The following POU5F1 variants were observed in gnomAD, a reference collection of about 807,000 sequenced individuals.
The protein encoded by POU5F1 is POU class 5 homeobox 1, also known as POU domain, class 5, transcription factor 1.
POU5F1 carries 6 observed loss-of-function variants against 38.3 expected under a neutral mutation model. The ratio of observed to expected loss-of-function variants is 0.16; its 90% confidence interval spans 0.09 to 0.31. The LOEUF (loss-of-function observed/expected upper bound fraction) is 0.31, where lower values mean the gene tolerates loss of function less well. Among genes scored for constraint, POU5F1 ranks in the 10% least tolerant of loss-of-function variants. The pLI is 1.00. For missense variants in POU5F1, 286 were observed against 462.6 expected (o/e 0.62, Z 3.50); for synonymous variants, 147 against 194.9 (o/e 0.75, Z 2.05).
At chr6:31,166,093 G>A (rs72856736) in intron 1 of POU5F1, 46 bp from the exon 2 acceptor site, 129,728 of 1,614,078 alleles carry the variant, frequency 0.08, 6,106 homozygotes, top group Admixed American at 0.15. Context: ...AAACACACCA[G>A]TTATCAATCT....
rs1307000564 is a variant in POU5F1 at position 31,165,935 on chromosome 6, A to C, written c.518T>G (p.Val173Gly). 1 of 1,613,384 alleles carries C rather than the reference A, an allele frequency of 6.2e-7. No homozygotes were observed. The highest frequency in any genetic ancestry group is 1.7e-5 in the Admixed American group (1 of 59,936). The change falls in exon 2 of 5, where the codon GTT becomes GGT. Residue 173 changes from valine to glycine, a missense_variant. Around this residue, in one of 2 missense-constraint regions of POU5F1, gnomAD observed 110 missense variants for 277.8 expected, o/e 0.40. Coordinates refer to ENST00000259915, the MANE Select transcript of POU5F1 (RefSeq NM_002701.6). The surrounding 1 kb of genome is among the most constrained non-coding windows in gnomAD (Gnocchi z 6.5). ...TQADVGLTLG[V>G]LFGKVFSQTT... ...TGCAGAGGGGAACCCACCAAATAGAACCCCCAGGGTGAGCCCCACATCGGC... is the reference window on the plus strand; with the variant it reads ...TGCAGAGGGGAACCCACCAAATAGACCCCCCAGGGTGAGCCCCACATCGGC...
At chr6:31,169,551 G>A (rs958834245) in intron 1 of POU5F1, among the ~76,000 whole-genome samples, 2 of 152,070 alleles carry the variant, frequency 1.3e-5, no homozygotes, top group Non-Finnish European at 2.9e-5. Context: ...CTTTCTACAA[G>A]GGGTGCCAGG....
At position 31,170,300 on chromosome 6, in the gene POU5F1, G is replaced by T; in HGVS notation, c.321C>A (p.Ser107=). 1 of 1,612,810 alleles carries T rather than the reference G, an allele frequency of 6.2e-7. No individual in the cohort carries two copies. The highest frequency in any genetic ancestry group is 8.5e-7 in the Non-Finnish European group (1 of 1,179,838). The change falls in exon 1 of 5, where the codon TCC becomes TCA. Residue 107 remains serine (S), a synonymous_variant. Coordinates refer to ENST00000259915, the MANE Select transcript of POU5F1 (RefSeq NM_002701.6). ...TGCAGGGCTCCGGGGAGGCCCCATCGGAGTTGCTCTCCACCCCGACTCCTG... is the reference window on the plus strand; with the variant it reads ...TGCAGGGCTCCGGGGAGGCCCCATCTGAGTTGCTCTCCACCCCGACTCCTG... ...GEAGVGVESN[S]DGASPEPCTV... is the part of the protein sequence containing the mutation.
At chr6:31,166,705 C>T in intron 1 of POU5F1, 2 of 1,169,896 alleles carry the variant, frequency 1.7e-6, no homozygotes, top group Non-Finnish European at 2.1e-6. Context: ...CTGCAAAATT[C>T]TCTCACTCAA....
chr6:31,169,705 A>G (rs985212513), intron 1 of POU5F1, among the ~76,000 whole-genome samples: 1 of 152,064 alleles, frequency 6.6e-6, no homozygotes, highest in African/African-American at 2.4e-5. Flanking sequence ...AACGAGTCAC[A>G]CCCTAGACTT....
intron 1 of POU5F1, among the ~76,000 whole-genome samples, chr6:31,167,450 GTAAT>G (rs1381728756): frequency 6.6e-6 from 1 of 151,610 alleles, no homozygotes; most frequent in Non-Finnish European, 1.5e-5. Context: ...GGTCATGCCT[GTAAT>G]CCCTTCACTT....
Position 31,165,955 on chromosome 6 carries a change from A to G in POU5F1, c.498T>C (p.Asp166=). ...KRITLGYTQA[D]VGLTLGVLFG... ...ATAGAACCCCCAGGGTGAGCCCCAC[A>G]TCGGCCTGTGTATATCCCAGGGTGA... is the stretch of plus-strand genomic sequence containing the variant. The change falls in exon 2 of 5, where the codon GAT becomes GAC. Residue 166 remains aspartate (D), a synonymous_variant. Coordinates refer to ENST00000259915, the MANE Select transcript of POU5F1 (RefSeq NM_002701.6). This position sits in a 1 kb window ranked among gnomAD's most constrained non-coding sequence, Gnocchi z 6.5. The G allele has an allele frequency of 6.2e-7, 1 of 1,614,138 alleles. No homozygotes were observed. Among genetic ancestry groups the G allele is most frequent in the Non-Finnish European group, 8.5e-7 (1 of 1,180,034 alleles).
At chr6:31,166,993 T>A in intron 1 of POU5F1, 2 of 780,532 alleles carry the variant, frequency 2.6e-6, no homozygotes, top group Non-Finnish European at 4.0e-6. Flanking sequence ...TCTTTTTCAC[T>A]ATAGAGGCAT....
At chr6:31,169,701 T>G (rs1777522577) in intron 1 of POU5F1, among the ~76,000 whole-genome samples, 1 of 151,370 alleles carries the variant, frequency 6.6e-6, no homozygotes, top group Non-Finnish European at 1.5e-5. Context: ...CAGAAACGAG[T>G]CACACCCTAG....
chr6:31,168,611 G>C (rs1403458581), intron 1 of POU5F1, among the ~76,000 whole-genome samples: 1 of 152,198 alleles, frequency 6.6e-6, no homozygotes, highest in Non-Finnish European at 1.5e-5. Context: ...CAGAGATGAT[G>C]GTGGCTGAGG....
intron 1 of POU5F1, 175 bp downstream of exon 1, chr6:31,170,041 C>G: frequency 2.0e-6 from 2 of 1,021,490 alleles, no homozygotes; most frequent in South Asian, 3.1e-5. Context: ...CCACCTGGCC[C>G]CTGCCTGCCA....
intron 1 of POU5F1, chr6:31,167,038 GCAC>G: frequency 1.6e-6 from 1 of 615,298 alleles, no homozygotes; most frequent in African/African-American, 1.8e-5. Context: ...GATTTATCGA[GCAC>G]CTTCTATAAG....
chr6:31,170,582 G>A lies in POU5F1; in HGVS notation c.39C>T (p.Pro13=). Residue 13 remains proline (P), a synonymous_variant, in exon 1 of 5, where the codon CCC becomes CCT. Coordinates refer to ENST00000259915, the MANE Select transcript of POU5F1 (RefSeq NM_002701.6). ...GCCCATCACCTCCACCACCTGGAGG[G>A]GGCGAGAAGGCGAAATCCGAAGCCA... The part of the protein sequence containing the change: ...GHLASDFAFS[P]PPGGGGDGPG... 1 of 1,566,384 alleles carries A rather than the reference G, an allele frequency of 6.4e-7. No homozygotes were observed. Among genetic ancestry groups the A allele is most frequent in the Middle Eastern group, 1.9e-4 (1 of 5,188 alleles).
chr6:31,170,163 C>G, intron 1 of POU5F1, 53 bp downstream of exon 1: 1 of 1,612,046 alleles, frequency 6.2e-7, no homozygotes, highest in East Asian at 2.2e-5. Flanking sequence ...CCCCATCAGG[C>G]TGCCCTGTCA....
chr6:31,164,977 G>C lies in POU5F1; in HGVS notation c.817-110C>G, dbSNP rs1052515679. The C allele has an allele frequency of 6.4e-5, 99 of 1,549,304 alleles. No individual in the cohort carries two copies. The East Asian group carries it at 2.4e-3, about 38-fold the overall frequency. On this transcript the variant is annotated intron_variant, in intron 4 of 4. Coordinates refer to ENST00000259915, the MANE Select transcript of POU5F1 (RefSeq NM_002701.6). ...CAACAGCCCTAGAGCAGTTAGAGGAGGACATTAGAGAATGAGCTGAGACAG... is the reference window on the plus strand; with the variant it reads ...CAACAGCCCTAGAGCAGTTAGAGGACGACATTAGAGAATGAGCTGAGACAG...
rs779057746 is a variant in POU5F1, at chr6:31,165,711, G to A, written c.527-10C>T. 1.2e-6 allele frequency: 2 copies of A among 1,606,834 alleles called. No homozygotes were observed. The highest frequency in any genetic ancestry group is 1.7e-6 in the Non-Finnish European group (2 of 1,176,436). Reference sequence around the variant, plus strand: ...TGGCTGAATACCTTCCCTGGGGGAGGCCAGTCAAAAGAGAAGCAAAGTGAG... The same window carrying A: ...TGGCTGAATACCTTCCCTGGGGGAGACCAGTCAAAAGAGAAGCAAAGTGAG... On this transcript the variant is annotated splice_polypyrimidine_tract_variant and intron_variant, in intron 2 of 4. Transcript: ENST00000259915. The surrounding 1 kb of genome is among the most constrained non-coding windows in gnomAD (Gnocchi z 6.5).
In POU5F1 at chr6:31,170,593, C is replaced by A. The variant is rs910731427; in HGVS notation, c.28G>T (p.Ala10Ser). Residue 10 changes from alanine to serine, a missense_variant, in exon 1 of 5, where the codon GCC becomes TCC. By Grantham distance (99) the Ala-to-Ser change is moderately conservative. Coordinates refer to ENST00000259915, the MANE Select transcript of POU5F1 (RefSeq NM_002701.6). Reference protein sequence around the residue: MAGHLASDFAFSPPPGGGGD... With the variant: MAGHLASDFSFSPPPGGGGD... ...CCACCACCTGGAGGGGGCGAGAAGGCGAAATCCGAAGCCAGGTGTCCCGCC... is the reference window on the plus strand; with the variant it reads ...CCACCACCTGGAGGGGGCGAGAAGGAGAAATCCGAAGCCAGGTGTCCCGCC... The A allele has an allele frequency of 7.0e-6, 11 of 1,562,850 alleles. No homozygotes were observed. The highest frequency in any genetic ancestry group is 9.5e-6 in the Non-Finnish European group (11 of 1,154,712).
rs539923595 is a variant in POU5F1 at position 31,165,390 on chromosome 6, G to A, written c.658-104C>T. 4 of 1,562,780 alleles carry A rather than the reference G, an allele frequency of 2.6e-6. No individual in the cohort carries two copies. Among genetic ancestry groups the A allele is most frequent in the Middle Eastern group, 1.7e-4 (1 of 5,974 alleles). Reference sequence around the variant, plus strand: ...TGTGTCAGCAGAGCCAGGTGGTGGTGTGAAAAGGCAGGATCCTGGAAGGGT... The same window carrying A: ...TGTGTCAGCAGAGCCAGGTGGTGGTATGAAAAGGCAGGATCCTGGAAGGGT... On this transcript the variant is annotated intron_variant, in intron 3 of 4. Transcript: ENST00000259915. The surrounding 1 kb of genome is among the most constrained non-coding windows in gnomAD (Gnocchi z 6.5).
In POU5F1 at chr6:31,165,259, C is replaced by A; in HGVS notation, c.685G>T (p.Ala229Ser). ...ATACTGGTTCGCTTTCTCTTTCGGG[C>A]CTGCACGAGGGTTTCTGCTTTGCAT... ...EICKAETLVQ[A>S]RKRKRTSIEN... The change falls in exon 4 of 5, where the codon GCC becomes TCC. Residue 229 changes from alanine (A) to serine (S), a missense_variant. Ala to Ser is a moderately conservative substitution (Grantham distance 99). Coordinates refer to ENST00000259915, the MANE Select transcript of POU5F1 (RefSeq NM_002701.6). This position sits in a 1 kb window ranked among gnomAD's most constrained non-coding sequence, Gnocchi z 6.5. 1.9e-6 allele frequency: 3 copies of A among 1,611,392 alleles called. No homozygotes were observed. Among genetic ancestry groups the A allele is most frequent in the South Asian group, 2.2e-5 (2 of 90,624 alleles).
Sources: gnomAD v4.1 joint callset for allele counts (sites outside exome capture counted in the v4.1 genomes callset) on GRCh38, gnomAD v4.1.1 for gene constraint, gnomAD v4.1.1 regional missense constraint, Gnocchi (gnomAD v3.1) non-coding constraint, MANE v1.5 for transcripts, NCBI Gene and HGNC (gene_info 2026-07-23, HGNC 2026-07-21) for gene names.